Variants in TRIO observed in about 807,000 individuals in gnomAD.
The protein encoded by TRIO is triple functional domain protein.
Under a neutral mutation model 351.9 loss-of-function variants are expected in TRIO, and 58 were observed. The ratio of observed to expected loss-of-function variants is 0.16; its 90% CI spans 0.13 to 0.21. TRIO has a LOEUF of 0.21. Ranked by LOEUF, TRIO falls within the 10% of genes least tolerant of loss-of-function variation. The probability of loss-of-function intolerance (pLI) is 1.00; values close to 1 mark genes in which losing one functional copy is unlikely to be tolerated. For synonymous variants in TRIO, 1,758 were observed against 1,595.7 expected (o/e 1.10, Z -2.42); for missense variants, 3,201 against 4,027.8 (o/e 0.79, Z 5.56).
Position 14,508,375 on chromosome 5 carries a change from C to T in TRIO, c.9247C>T (p.Arg3083Cys), listed in dbSNP as rs61740945. 5.6e-4 allele frequency: 904 copies of T among 1,613,600 alleles called. 5 individuals are homozygous for T. The African/African-American group carries it at 9.2e-3, about 16-fold the overall frequency. ...RKHQNDVRPI[R>C]SIKNFLQSRL... is the part of the protein sequence containing the mutation. ...ACACCAGAATGATGTTCGACCTATCCGTAGCATTAAAAACTTTCTGCAGAG... is the reference window on the plus strand; with the variant it reads ...ACACCAGAATGATGTTCGACCTATCTGTAGCATTAAAAACTTTCTGCAGAG... Residue 3083 changes from arginine (R) to cysteine (C), a missense_variant, in exon 57 of 57, where the codon CGT becomes TGT. This residue lies in a region of TRIO where 233 missense variants were observed against 292.6 expected (regional missense o/e 0.80). Coordinates refer to ENST00000344204, the MANE Select transcript of TRIO (RefSeq NM_007118.4).
At position 14,336,691 on chromosome 5, in the gene TRIO, G is replaced by A. The variant is rs1222469702; in HGVS notation, c.2010G>A (p.Leu670=). 3.7e-6 allele frequency: 6 copies of A among 1,614,074 alleles called. No homozygotes were observed. The African/African-American group carries it at 6.7e-5, about 18-fold the overall frequency. The part of the protein sequence containing the change: ...VRRVEQRKIL[L]DMSVSFHTHV... ...GTGTTGAGCAGCGAAAGATCCTACTGGACATGTCAGTGTCCTTTCACACCC... is the reference window on the plus strand; with the variant it reads ...GTGTTGAGCAGCGAAAGATCCTACTAGACATGTCAGTGTCCTTTCACACCC... The change falls in exon 11 of 57, where the codon CTG becomes CTA. Residue 670 remains leucine, a synonymous_variant. Coordinates refer to ENST00000344204, the MANE Select transcript of TRIO (RefSeq NM_007118.4).
chr5:14,440,927 A>C lies in TRIO; in HGVS notation c.5204-20092A>C, dbSNP rs929672563. On this transcript the variant is annotated intron_variant, in intron 34 of 56. Transcript: ENST00000344204. The stretch of plus-strand genomic sequence containing the variant: ...CCAGGGTGCCTGAAGAATTTCCTTG[A>C]GCTCCAATTAGAGTCAGTGTGGTAG... 9 of 152,276 alleles carry C rather than the reference A, an allele frequency of 5.9e-5. No homozygotes were observed. The East Asian group carries it at 1.7e-3, about 29-fold the overall frequency. 9.4% of individuals were successfully genotyped at this position (152,276 alleles called of 1,614,324 possible).
chr5:14,315,879 T>C (rs1284508882), intron 8 of TRIO, among the ~76,000 whole-genome samples: 1 of 152,266 alleles, frequency 6.6e-6, no homozygotes, highest in Admixed American at 6.5e-5. Context: ...TGCCATAATA[T>C]AGCACTTGAT....
At chr5:14,275,132 T>C (rs1386537602) in intron 2 of TRIO, among the ~76,000 whole-genome samples, 1 of 152,248 alleles carries the variant, frequency 6.6e-6, no homozygotes, top group Non-Finnish European at 1.5e-5. Context: ...GATATTTCAT[T>C]TTACTTTTTC....
At chr5:14,422,895 T>G (rs1022579999) in intron 34 of TRIO, among the ~76,000 whole-genome samples, 1 of 152,136 alleles carries the variant, frequency 6.6e-6, no homozygotes, top group Non-Finnish European at 1.5e-5. Context: ...GAGGCTGAGG[T>G]GGGAGGATCG....
intron 49 of TRIO, among the ~76,000 whole-genome samples, chr5:14,495,388 C>A (rs527636611): frequency 5.9e-5 from 9 of 152,264 alleles, no homozygotes; most frequent in African/African-American, 2.2e-4. Flanking sequence ...GACAGTGCAA[C>A]AGCAGGGTTT....
chr5:14,397,710 ATAAGTT>A (rs1194268446), intron 29 of TRIO, among the ~76,000 whole-genome samples: 1 of 152,222 alleles, frequency 6.6e-6, no homozygotes, highest in African/African-American at 2.4e-5. Context: ...GCTACACAGA[ATAAGTT>A]TTAATCCTGC....
At chr5:14,405,713 C>T (rs1452479272) in intron 31 of TRIO, 135 bp from the exon 32 acceptor site, 11 of 1,014,940 alleles carry the variant, frequency 1.1e-5, no homozygotes, top group South Asian at 4.0e-5. Context: ...TATTAAACGT[C>T]GGATGTGGTT....
intron 8 of TRIO, among the ~76,000 whole-genome samples, chr5:14,308,745 C>CCATCCATCCATA (rs1738625982): frequency 8.0e-6 from 1 of 124,524 alleles, no homozygotes; most frequent in East Asian, 2.1e-4. Flanking sequence ...ATCCATCCAT[C>CCATCCATCCATA]CATCCATCCA....
At chr5:14,215,234 G>GT (rs1268043201) in intron 1 of TRIO, among the ~76,000 whole-genome samples, 3 of 152,150 alleles carry the variant, frequency 2.0e-5, no homozygotes, top group Non-Finnish European at 2.9e-5. Flanking sequence ...AGCATGCATC[G>GT]TTTTTTATAT....
intron 13 of TRIO, among the ~76,000 whole-genome samples, chr5:14,360,267 C>T (rs757694759): frequency 6.6e-6 from 1 of 152,150 alleles, no homozygotes; most frequent in Non-Finnish European, 1.5e-5. Flanking sequence ...CTTTCTTCAA[C>T]AAAAAGAGAG....
At position 14,456,355 on chromosome 5, in the gene TRIO, G is replaced by A. The variant is rs192376339; in HGVS notation, c.5204-4664G>A. ...CGGTGGGCTGAAGGGCTCCTCAAGC[G>A]TGGCCAGAGCAGAAGTGGAGGTGGT... On this transcript the variant is annotated intron_variant, in intron 34 of 56. Coordinates refer to ENST00000344204, the MANE Select transcript of TRIO (RefSeq NM_007118.4). Among the ~76,000 whole-genome samples the A allele has an allele frequency of 3.9e-3, 600 of 152,368 alleles. 2 individuals are homozygous for A. The highest frequency in any genetic ancestry group is 0.023 in the South Asian group (112 of 4,826).
intron 32 of TRIO, chr5:14,406,348 A>T: frequency 1.7e-6 from 1 of 573,104 alleles, no homozygotes; most frequent in Non-Finnish European, 3.1e-6. Flanking sequence ...TATCAACTAT[A>T]TTTTATGGTG....
chr5:14,510,074 A>T lies in TRIO; in HGVS notation c.*1652A>T, dbSNP rs1293229901. 1 of 152,250 alleles carries T rather than the reference A, an allele frequency of 6.6e-6. No homozygotes were observed. Among genetic ancestry groups the T allele is most frequent in the Non-Finnish European group, 1.5e-5 (1 of 68,054 alleles). 9.4% of individuals were successfully genotyped at this position (152,250 alleles called of 1,614,324 possible). ...TGTGTATTGTTTCTTTTATTATTTCAGTTAAATTTTTACATTATTTTGCAT... is the reference window on the plus strand; with the variant it reads ...TGTGTATTGTTTCTTTTATTATTTCTGTTAAATTTTTACATTATTTTGCAT... On this transcript the variant is annotated 3_prime_UTR_variant, in exon 57 of 57. Transcript: ENST00000344204.
At chr5:14,352,421 A>T (rs1012834738) in intron 11 of TRIO, among the ~76,000 whole-genome samples, 1 of 152,226 alleles carries the variant, frequency 6.6e-6, no homozygotes, top group African/African-American at 2.4e-5. Context: ...CATGCCCAGA[A>T]GTACAATTTT....
intron 1 of TRIO, among the ~76,000 whole-genome samples, chr5:14,243,148 T>C (rs354283): frequency 0.055 from 8,351 of 152,192 alleles, 775 homozygotes; most frequent in African/African-American, 0.19. Flanking sequence ...GGCACTCCCA[T>C]TACTGCTATG....
intron 1 of TRIO, among the ~76,000 whole-genome samples, chr5:14,145,163 C>G (rs1787427212): frequency 1.3e-5 from 2 of 152,188 alleles, no homozygotes; most frequent in South Asian, 4.1e-4. Flanking sequence ...TCCGTGGCCT[C>G]TTTGAAAATC....
At chr5:14,228,535 C>T (rs994753254) in intron 1 of TRIO, among the ~76,000 whole-genome samples, 7 of 152,316 alleles carry the variant, frequency 4.6e-5, no homozygotes, top group Admixed American at 1.3e-4. Flanking sequence ...TAGCCCATCT[C>T]GTGTTTTGGA....
chr5:14,247,539 G>A (rs989547626), intron 1 of TRIO, among the ~76,000 whole-genome samples: 1 of 152,172 alleles, frequency 6.6e-6, no homozygotes, highest in African/African-American at 2.4e-5. Context: ...TTTGAACCCT[G>A]TTTGGGAAAC....
Sources: gnomAD v4.1 joint callset for allele counts (sites outside exome capture counted in the v4.1 genomes callset) on GRCh38, gnomAD v4.1.1 for gene constraint, gnomAD v4.1.1 regional missense constraint, MANE v1.5 for transcripts, NCBI Gene and HGNC (gene_info 2026-07-23, HGNC 2026-07-21) for gene names.